The following ATP13A4 variants were observed in gnomAD, a reference collection of about 807,000 sequenced individuals.
ATP13A4 encodes the protein ATPase 13A4.
ATP13A4 carries 114 observed loss-of-function variants against 142.5 expected under a neutral mutation model. The ratio of observed to expected loss-of-function variants is 0.80; its 90% CI spans 0.69 to 0.93. ATP13A4 has a LOEUF of 0.93. Among genes scored for constraint, ATP13A4 ranks in the 40% least tolerant of loss-of-function variants. The pLI, the probability that ATP13A4 is intolerant of heterozygous loss-of-function variation, is 0.00. For missense variants in ATP13A4, 1,392 were observed against 1,454.0 expected (o/e 0.96, Z 0.69); for synonymous variants, 488 against 514.8 (o/e 0.95, Z 0.70).
In ATP13A4 at chr3:193,483,098, C is replaced by G. The variant is rs192590583; in HGVS notation, c.808+838G>C. Among the ~76,000 whole-genome samples the G allele has an allele frequency of 3.3e-5, 5 of 152,078 alleles. No individual in the cohort carries two copies. The East Asian group carries it at 9.7e-4, about 29-fold the overall frequency. On this transcript the variant is annotated intron_variant, in intron 8 of 29. Coordinates refer to ENST00000342695, the MANE Select transcript of ATP13A4 (RefSeq NM_032279.4). The stretch of plus-strand genomic sequence containing the variant: ...GATACACTTAAAAAAATGGATAAAT[C>G]CCAAAATAACTATGAACTTTGATCC...
chr3:193,465,622 C>G (rs1265864795), intron 11 of ATP13A4, among the ~76,000 whole-genome samples: 1 of 152,172 alleles, frequency 6.6e-6, no homozygotes, highest in Non-Finnish European at 1.5e-5. Flanking sequence ...TATATTGTTA[C>G]CAGCAAAACA....
At chr3:193,525,066 G>A (rs567049124) in intron 1 of ATP13A4, among the ~76,000 whole-genome samples, 14 of 152,280 alleles carry the variant, frequency 9.2e-5, no homozygotes, top group African/African-American at 3.4e-4. Flanking sequence ...TTCAAACTAT[G>A]CGTCAGGGAT....
At chr3:193,492,119 T>C (rs1277996959) in intron 5 of ATP13A4, among the ~76,000 whole-genome samples, 2 of 152,174 alleles carry the variant, frequency 1.3e-5, no homozygotes, top group South Asian at 2.1e-4. Context: ...TGTGGTGATA[T>C]TGTTAAAATG....
intron 1 of ATP13A4, among the ~76,000 whole-genome samples, chr3:193,592,164 G>C (rs1724828391): frequency 6.7e-6 from 1 of 149,104 alleles, no homozygotes. Context: ...GTGGGGAGGA[G>C]GTGAAAGGTC....
intron 2 of ATP13A4, among the ~76,000 whole-genome samples, chr3:193,563,310 T>C (rs1724057894): frequency 6.6e-6 from 1 of 152,010 alleles, no homozygotes; most frequent in Non-Finnish European, 1.5e-5. Context: ...AACCCACAGA[T>C]CTCACCAGCC....
intron 25 of ATP13A4, among the ~76,000 whole-genome samples, chr3:193,424,123 A>G (rs1715533895): frequency 1.3e-5 from 2 of 149,146 alleles, no homozygotes; most frequent in South Asian, 4.2e-4. Context: ...AATTTAACCA[A>G]GGAGGTGAAA....
rs575425550 is a variant in ATP13A4, at chr3:193,406,133, G to A, written c.3378+1180C>T. On this transcript the variant is annotated intron_variant, in intron 29 of 29. Coordinates refer to ENST00000342695, the MANE Select transcript of ATP13A4 (RefSeq NM_032279.4). Reference sequence around the variant, plus strand: ...AGGCCTACTGAATCAGACACACTGCGGGTAGGGCTGGGCAACGTGTGTTTT... The same window carrying A: ...AGGCCTACTGAATCAGACACACTGCAGGTAGGGCTGGGCAACGTGTGTTTT... Among the ~76,000 whole-genome samples the A allele has an allele frequency of 5.9e-5, 9 of 152,132 alleles. No individual in the cohort carries two copies. The South Asian group carries it at 8.3e-4, about 14-fold the overall frequency.
intron 5 of ATP13A4, among the ~76,000 whole-genome samples, chr3:193,491,900 C>T (rs1375074505): frequency 6.6e-6 from 1 of 152,182 alleles, no homozygotes; most frequent in Non-Finnish European, 1.5e-5. Context: ...TAGCTCTACA[C>T]ACATAATTAT....
Position 193,541,248 on chromosome 3 carries a change from C to CAAAAAAAAAAAAAA in ATP13A4, c.60+13478_60+13491dup, listed in dbSNP as rs71179308. On this transcript the variant is annotated intron_variant, in intron 1 of 29. Coordinates refer to ENST00000342695, the MANE Select transcript of ATP13A4 (RefSeq NM_032279.4). The stretch of plus-strand genomic sequence containing the variant: ...TGGGCGACAGAGCGAGACTCCTTCT[C>CAAAAAAAAAAAAAA]AAAAAAAAAAAAAAAAAAAAAATCA... 1.8e-3 allele frequency among the ~76,000 whole-genome samples: 90 copies of CAAAAAAAAAAAAAA among 51,276 alleles called. 5 individuals carry two copies. The highest frequency in any genetic ancestry group is 2.7e-3 in the Non-Finnish European group (67 of 24,878). 33.6% of individuals were successfully genotyped at this position (51,276 alleles called of 152,430 possible).
chr3:193,434,070 T>C (rs1347794894), intron 24 of ATP13A4, among the ~76,000 whole-genome samples, 153 bp from the exon 25 acceptor site: 3 of 152,166 alleles, frequency 2.0e-5, no homozygotes, highest in Non-Finnish European at 2.9e-5. Flanking sequence ...TGGTGAGTGA[T>C]GGTGTTGGTG....
chr3:193,455,049 G>A (rs574247665), intron 16 of ATP13A4, among the ~76,000 whole-genome samples: 17 of 152,142 alleles, frequency 1.1e-4, no homozygotes, highest in South Asian at 1.0e-3. Context: ...ATTAAAAAGT[G>A]GGCAAAGGGC....
chr3:193,402,135 G>A lies in ATP13A4; in HGVS notation c.*517C>T, dbSNP rs1428501389. On this transcript the variant is annotated 3_prime_UTR_variant, in exon 30 of 30. Coordinates refer to ENST00000342695, the MANE Select transcript of ATP13A4 (RefSeq NM_032279.4). ...TAAGCTTATCCTTAACAATATGTTG[G>A]GTAAGGCCAGAAACAGAAGAAAAAG... is the stretch of plus-strand genomic sequence containing the variant. The A allele has an allele frequency of 6.4e-6, 1 of 157,160 alleles. No individual in the cohort carries two copies. The highest frequency in any genetic ancestry group is 1.4e-5 in the Non-Finnish European group (1 of 71,026). 9.7% of individuals were successfully genotyped at this position (157,160 alleles called of 1,614,324 possible).
chr3:193,504,366 C>A (rs1720742251), intron 2 of ATP13A4, among the ~76,000 whole-genome samples: 1 of 152,160 alleles, frequency 6.6e-6, no homozygotes, highest in Non-Finnish European at 1.5e-5. Flanking sequence ...TTGCTTTTGA[C>A]TTTATCAAAG....
chr3:193,432,440 G>T (rs1716033221), intron 25 of ATP13A4, among the ~76,000 whole-genome samples: 1 of 151,990 alleles, frequency 6.6e-6, no homozygotes, highest in South Asian at 2.1e-4. Context: ...ATCTGCACAC[G>T]GATGTTTATA....
chr3:193,532,103 A>T (rs1400056927), intron 1 of ATP13A4, among the ~76,000 whole-genome samples: 1 of 152,032 alleles, frequency 6.6e-6, no homozygotes, highest in Non-Finnish European at 1.5e-5. Context: ...CAAATTTCTG[A>T]GGGTCAGGCC....
intron 3 of ATP13A4, among the ~76,000 whole-genome samples, chr3:193,500,426 C>A (rs1720478177): frequency 6.6e-6 from 1 of 152,106 alleles, no homozygotes; most frequent in Non-Finnish European, 1.5e-5. Flanking sequence ...TTTAAACCAG[C>A]GATCTCCAAC....
chr3:193,572,009 C>T (rs7638382), intron 2 of ATP13A4, among the ~76,000 whole-genome samples: 4,287 of 152,088 alleles, frequency 0.028, 182 homozygotes, highest in African/African-American at 0.093. Flanking sequence ...AACAGGAAGC[C>T]GCCCAAGCAG....
At chr3:193,452,790 TATA>T (rs1195070000) in intron 17 of ATP13A4, among the ~76,000 whole-genome samples, 15 of 70,040 alleles carry the variant, frequency 2.1e-4, no homozygotes, top group Non-Finnish European at 9.2e-5. Context: ...TTATTATATA[TATA>T]ATATTATCTT....
rs776543217 is a variant in ATP13A4, at chr3:193,402,610, T to C, written c.*42A>G. 5.0e-6 allele frequency: 4 copies of C among 799,664 alleles called. No individual in the cohort carries two copies. The highest frequency in any genetic ancestry group is 9.2e-6 in the Non-Finnish European group (4 of 436,340). 49.5% of individuals were successfully genotyped at this position (799,664 alleles called of 1,614,324 possible). A position where few individuals can be genotyped will look rare whatever the true frequency, so the allele number is the denominator to read the frequency against. ...AAATCAATGAAACTGGTCCCTTTTG[T>C]CATTGTTTCTCTGTAATATCAACTT... On this transcript the variant is annotated 3_prime_UTR_variant, in exon 30 of 30. Transcript: ENST00000342695.
Sources: allele counts gnomAD v4.1 joint callset (sites outside exome capture counted in the v4.1 genomes callset), GRCh38; gene constraint gnomAD v4.1.1; transcripts MANE v1.5; gene names NCBI Gene and HGNC (gene_info 2026-07-23, HGNC 2026-07-21).